THNSL1: variants seen among roughly 807,000 people sequenced by gnomAD.
The protein encoded by THNSL1 is threonine synthase like 1, also known as threonine synthase-like 1.
Under a neutral mutation model 50.4 loss-of-function variants are expected in THNSL1, and 48 were observed. That is an observed-to-expected ratio of 0.95 (90% confidence interval 0.76 to 1.21). THNSL1 has a LOEUF of 1.21. Ranked by LOEUF, THNSL1 falls within the 50% of genes most tolerant of loss-of-function variation. The probability of loss-of-function intolerance (pLI) is 0.00; values close to 1 mark genes in which losing one functional copy is unlikely to be tolerated. For missense variants in THNSL1, 896 were observed against 871.7 expected, an observed-to-expected ratio of 1.03 and a Z score of -0.35; for synonymous variants, 309 against 306.1, an observed-to-expected ratio of 1.01 and a Z score of -0.10.
rs1195051759 is a variant in THNSL1, at chr10:25,025,100, C to T, written c.1877C>T (p.Ala626Val). ...ADWCSEGECL[A>V]AINSTYNTSG... is the part of the protein sequence containing the mutation. ...TGGTGCTCTGAGGGAGAGTGCCTAG[C>T]AGCTATTAACTCCACCTATAATACT... Residue 626 changes from alanine (A) to valine (V), a missense_variant, in exon 3 of 3, where the codon GCA becomes GTA. Physicochemically the swap from Ala to Val is moderately conservative, Grantham distance 64 (BLOSUM62 0). Transcript: ENST00000376356. 2 of 1,614,198 alleles carry T rather than the reference C, an allele frequency of 1.2e-6. No homozygotes were observed. The highest frequency in any genetic ancestry group is 2.2e-5 in the East Asian group (1 of 44,876).
the THNSL1 span, among the ~76,000 whole-genome samples, chr10:24,989,951 TTAAGTC>T: frequency 1.3e-5 from 2 of 152,170 alleles, no homozygotes; most frequent in South Asian, 2.1e-4. Context: ...AAATATATCT[TTAAGTC>T]TATGTAATTA....
At chr10:25,010,042 C>G in the THNSL1 span, among the ~76,000 whole-genome samples, 40 of 152,226 alleles carry the variant, frequency 2.6e-4, 1 homozygote, top group South Asian at 8.3e-3. Flanking sequence ...GACTTTGGAA[C>G]TGGGTAACAG....
chr10:24,984,564 T>C, the THNSL1 span: 25 of 1,035,468 alleles, frequency 2.4e-5, no homozygotes, highest in Non-Finnish European at 3.4e-5. Flanking sequence ...AAATTTCTTC[T>C]TGTGTAAGTG....
intron 1 of THNSL1, among the ~76,000 whole-genome samples, chr10:25,019,053 T>A (rs1564347273): frequency 6.6e-6 from 1 of 152,210 alleles, no homozygotes; most frequent in Non-Finnish European, 1.5e-5. Flanking sequence ...GAGAGAATTT[T>A]TGGTCAGAAG....
the THNSL1 span, among the ~76,000 whole-genome samples, chr10:24,997,807 TTATATA>T: frequency 6.9e-6 from 1 of 144,890 alleles, no homozygotes; most frequent in African/African-American, 2.6e-5. Context: ...CACAAAGGAT[TTATATA>T]TATATATATA....
chr10:24,984,796 T>C, the THNSL1 span: 1 of 1,613,956 alleles, frequency 6.2e-7, no homozygotes, highest in Non-Finnish European at 8.5e-7. Context: ...TTCTAGTTGT[T>C]TCATTTCTTC....
chr10:25,015,097 A>C (rs1282098532), upstream of THNSL1, among the ~76,000 whole-genome samples: 1 of 152,214 alleles, frequency 6.6e-6, no homozygotes, highest in Middle Eastern at 3.2e-3. Context: ...AGGAGAAATG[A>C]GATTTTCTCC....
chr10:25,024,232 C>G lies in THNSL1; in HGVS notation c.1009C>G (p.Gln337Glu), dbSNP rs1330587637. The G allele has an allele frequency of 1.2e-6, 2 of 1,614,174 alleles. No homozygotes were observed. The highest frequency in any genetic ancestry group is 1.3e-5 in the African/African-American group (1 of 75,048). ...TCCTGTCAGGCACCTTTCAGGCAAC[C>G]AGTTCATCCTGGAGTTGTTTCATGG... ...IAPVRHLSGN[Q>E]FILELFHGPT... is the part of the protein sequence containing the mutation. Residue 337 changes from glutamine to glutamate, a missense_variant, in exon 3 of 3, where the codon CAG becomes GAG. Gln to Glu is a conservative substitution (Grantham distance 29). Transcript: ENST00000376356.
the THNSL1 span, chr10:24,990,560 T>G: frequency 6.2e-7 from 1 of 1,613,692 alleles, no homozygotes; most frequent in East Asian, 2.2e-5. Context: ...TTGGGCTTTC[T>G]TTATTTCCTC....
At chr10:24,999,878 C>A in the THNSL1 span, among the ~76,000 whole-genome samples, 1 of 152,118 alleles carries the variant, frequency 6.6e-6, no homozygotes, top group South Asian at 2.1e-4. Context: ...ATCAGTCTGG[C>A]TAGGGGTCTA....
chr10:25,026,520 A>G lies in THNSL1; in HGVS notation c.*1065A>G, dbSNP rs751227456. 1.2e-4 allele frequency: 20 copies of G among 167,080 alleles called. No individual in the cohort carries two copies. The highest frequency in any genetic ancestry group is 2.1e-4 in the Non-Finnish European group (14 of 68,116). The allele number at this position is 167,080 out of a possible 1,614,324, so 10.3% of individuals were successfully genotyped here. ...TTTGTTGTTTATTTCTTCAGTGAAC[A>G]TTGTCTTTTTCTGGCAGCTGAAACT... On this transcript the variant is annotated 3_prime_UTR_variant, in exon 3 of 3. Transcript: ENST00000376356.
At chr10:25,002,992 TAG>T in the THNSL1 span, among the ~76,000 whole-genome samples, 1 of 152,052 alleles carries the variant, frequency 6.6e-6, no homozygotes, top group Non-Finnish European at 1.5e-5. Context: ...TATTTTTGTG[TAG>T]GTATATGAAC....
chr10:24,999,669 A>G, the THNSL1 span: 1 of 875,858 alleles, frequency 1.1e-6, no homozygotes, highest in Admixed American at 2.9e-5. Context: ...GAAAAGCATA[A>G]TCATAAAACA....
chr10:24,952,791 G>C, the THNSL1 span, among the ~76,000 whole-genome samples: 1 of 151,508 alleles, frequency 6.6e-6, no homozygotes, highest in Non-Finnish European at 1.5e-5. The surrounding 1 kb of genome is among the most constrained non-coding windows in gnomAD (Gnocchi z 5.1). Context: ...GCTAGGCCGC[G>C]GGGGCGCGGG....
At chr10:24,953,617 CA>C in the THNSL1 span, 1 of 152,318 alleles carries the variant, frequency 6.6e-6, no homozygotes, top group African/African-American at 2.4e-5. Flanking sequence ...GGTGTGTCTT[CA>C]TTCCCCAGGT....
chr10:24,984,345 A>G, the THNSL1 span: 18 of 1,564,352 alleles, frequency 1.2e-5, no homozygotes, highest in Non-Finnish European at 1.6e-5. Flanking sequence ...AATACTTAAC[A>G]GTTTTCAAAG....
chr10:25,003,181 A>ATTTATTTATTT, the THNSL1 span, among the ~76,000 whole-genome samples: 3 of 146,990 alleles, frequency 2.0e-5, no homozygotes, highest in African/African-American at 7.3e-5. Context: ...TTAATTAATT[A>ATTTATTTATTT]ATTTATTTAT....
At chr10:25,000,153 T>C in the THNSL1 span, among the ~76,000 whole-genome samples, 1 of 152,202 alleles carries the variant, frequency 6.6e-6, no homozygotes, top group Non-Finnish European at 1.5e-5. Context: ...ATCTAATTGA[T>C]TTCAGATATA....
At chr10:25,006,246 A>G in the THNSL1 span, among the ~76,000 whole-genome samples, 2 of 152,214 alleles carry the variant, frequency 1.3e-5, no homozygotes, top group Non-Finnish European at 2.9e-5. Flanking sequence ...ACACTGGTCT[A>G]TAATGAGGGC....
Sources: allele counts gnomAD v4.1 joint callset (sites outside exome capture counted in the v4.1 genomes callset), GRCh38; gene constraint gnomAD v4.1.1; non-coding constraint Gnocchi (gnomAD v3.1); transcripts MANE v1.5; gene names NCBI Gene and HGNC (gene_info 2026-07-23, HGNC 2026-07-21).